MCCC2: variants seen among roughly 807,000 people sequenced by gnomAD.
The protein encoded by MCCC2 is methylcrotonyl-CoA carboxylase subunit 2.
In MCCC2, 52 loss-of-function variants were observed where a neutral mutation model predicts 77.2. The observed-to-expected ratio is 0.67, with a 90% confidence interval of 0.54 to 0.85. The LOEUF is 0.85. MCCC2 is among the 40% of genes least tolerant of loss of function. The pLI is 0.00. For synonymous variants in MCCC2, 253 were observed against 248.4 expected (o/e 1.02, Z -0.18); for missense variants, 682 against 703.2 (o/e 0.97, Z 0.34).
At chr5:71,611,436 A>G (rs967127878) in intron 6 of MCCC2, among the ~76,000 whole-genome samples, 2 of 152,304 alleles carry the variant, frequency 1.3e-5, no homozygotes, top group South Asian at 4.1e-4. Flanking sequence ...TCATTATAGC[A>G]TTGTTTGTTA....
At chr5:71,595,559 C>G (rs1009212768) in intron 2 of MCCC2, among the ~76,000 whole-genome samples, 4 of 151,398 alleles carry the variant, frequency 2.6e-5, no homozygotes, top group Non-Finnish European at 5.9e-5. Flanking sequence ...AGATGAAATT[C>G]TTGGACACCA....
rs1205083163 is a variant in MCCC2 at position 71,635,571 on chromosome 5, C to A, written c.999+325C>A. ...GCAACTTAACAATTGTCAGCTATTT[C>A]TTTTCATTGTTCTTATTTTGGGAAA... On this transcript the variant is annotated intron_variant, in intron 10 of 16. Transcript: ENST00000340941. The A allele has an allele frequency of 4.8e-5, 18 of 375,368 alleles. No homozygotes were observed. In the East Asian group the frequency reaches 1.2e-3, roughly 25 times the overall value. The allele number at this position is 375,368 out of a possible 1,614,324, so 23.3% of individuals were successfully genotyped here.
chr5:71,652,862 G>T, intron 16 of MCCC2, 108 bp downstream of exon 16: 1 of 950,516 alleles, frequency 1.1e-6, no homozygotes, highest in South Asian at 1.3e-5. Context: ...ATAGGAACTG[G>T]AAAATAACAT....
At chr5:71,590,463 T>G (rs990618643) in intron 1 of MCCC2, among the ~76,000 whole-genome samples, 2 of 152,208 alleles carry the variant, frequency 1.3e-5, no homozygotes, top group African/African-American at 4.8e-5. Context: ...TCCATATATT[T>G]GTGAATTTTC....
At chr5:71,603,352 C>T (rs1267998617) in intron 5 of MCCC2, among the ~76,000 whole-genome samples, 1 of 138,536 alleles carries the variant, frequency 7.2e-6, no homozygotes, top group Non-Finnish European at 1.5e-5. Flanking sequence ...GGAGGCGGAG[C>T]TTGCAGTGAG....
intron 7 of MCCC2, among the ~76,000 whole-genome samples, chr5:71,628,591 A>C (rs779815468): frequency 6.6e-6 from 1 of 152,170 alleles, no homozygotes; most frequent in African/African-American, 2.4e-5. Flanking sequence ...GCATTGCTCT[A>C]TATGTGGATA....
intron 16 of MCCC2, among the ~76,000 whole-genome samples, chr5:71,654,062 A>G (rs530784709): frequency 1.3e-5 from 2 of 152,224 alleles, no homozygotes; most frequent in South Asian, 4.1e-4. Flanking sequence ...CAGTGACGTG[A>G]TCTCAGCTCA....
chr5:71,650,758 T>C (rs1010801309), intron 15 of MCCC2, among the ~76,000 whole-genome samples: 7 of 152,292 alleles, frequency 4.6e-5, no homozygotes, highest in Admixed American at 1.3e-4. Context: ...ACGCCATTCT[T>C]CTGCCTCAGC....
chr5:71,638,003 C>T (rs999495759), intron 10 of MCCC2, among the ~76,000 whole-genome samples: 7 of 152,280 alleles, frequency 4.6e-5, no homozygotes, highest in East Asian at 1.9e-4. Flanking sequence ...TCACCCACCG[C>T]GCCTGGCCCA....
chr5:71,587,658 T>C, intron 1 of MCCC2, 104 bp downstream of exon 1: 1 of 1,434,172 alleles, frequency 7.0e-7, no homozygotes, highest in Non-Finnish European at 9.4e-7. Context: ...GGAGCCCCAG[T>C]TGATTCTGTG....
At chr5:71,591,732 T>C (rs12152748) in intron 1 of MCCC2, among the ~76,000 whole-genome samples, 118,832 of 151,724 alleles carry the variant, frequency 0.78, 47,209 homozygotes, top group East Asian at 0.88. Context: ...CCACCACGGC[T>C]GGCCGAGTTT....
intron 16 of MCCC2, among the ~76,000 whole-genome samples, chr5:71,654,059 G>A (rs1047042116): frequency 2.0e-5 from 3 of 152,180 alleles, no homozygotes; most frequent in Admixed American, 6.5e-5. Context: ...GTGCAGTGAC[G>A]TGATCTCAGC....
intron 5 of MCCC2, chr5:71,602,881 GTTT>G (rs201897217): frequency 2.3e-5 from 9 of 397,138 alleles, no homozygotes; most frequent in East Asian, 4.8e-5. Flanking sequence ...GTGTTGTGTG[GTTT>G]TTTTTTTTTG....
chr5:71,635,360 G>A (rs1025234463), intron 10 of MCCC2, 114 bp downstream of exon 10: 1 of 922,552 alleles, frequency 1.1e-6, no homozygotes, highest in Non-Finnish European at 1.8e-6. Context: ...AATAGATGTG[G>A]ATCTCAGTAA....
chr5:71,605,218 T>TA (rs2112333020), intron 6 of MCCC2, among the ~76,000 whole-genome samples: 1 of 149,880 alleles, frequency 6.7e-6, no homozygotes, highest in Non-Finnish European at 1.5e-5. Flanking sequence ...AGTGTTCCTA[T>TA]TTCTCCATAT....
intron 6 of MCCC2, among the ~76,000 whole-genome samples, chr5:71,606,513 G>A (rs1231645661): frequency 1.0e-4 from 14 of 138,822 alleles, no homozygotes; most frequent in East Asian, 4.2e-4. Context: ...CAATCATGTC[G>A]TCTGCAAACA....
intron 1 of MCCC2, among the ~76,000 whole-genome samples, chr5:71,592,381 A>G (rs1181802374): frequency 6.6e-6 from 1 of 152,188 alleles, no homozygotes. Flanking sequence ...ACTCTGTCCC[A>G]AAAAATAAAA....
At chr5:71,623,433 G>A (rs920907090) in intron 6 of MCCC2, among the ~76,000 whole-genome samples, 8 of 152,106 alleles carry the variant, frequency 5.3e-5, no homozygotes, top group East Asian at 1.9e-4. Flanking sequence ...GCTGGCCAGC[G>A]GCCTTCCTCA....
chr5:71,603,645 G>A (rs1482431377), intron 5 of MCCC2, among the ~76,000 whole-genome samples: 3 of 152,116 alleles, frequency 2.0e-5, no homozygotes, highest in African/African-American at 7.2e-5. Context: ...TAGGTGCTGT[G>A]CTGGTCTTTA....
Sources: gnomAD v4.1 joint callset for allele counts (sites outside exome capture counted in the v4.1 genomes callset) on GRCh38, gnomAD v4.1.1 for gene constraint, MANE v1.5 for transcripts, NCBI Gene and HGNC (gene_info 2026-07-23, HGNC 2026-07-21) for gene names.